The following GLCE variants were observed in gnomAD, a reference collection of about 807,000 sequenced individuals.
GLCE encodes the protein glucuronic acid epimerase, also known as D-glucuronyl C5-epimerase.
Under a neutral mutation model 47.9 loss-of-function variants are expected in GLCE, and 19 were observed. That is an observed-to-expected ratio of 0.40 (90% CI 0.28 to 0.58). The LOEUF (loss-of-function observed/expected upper bound fraction) is 0.58, where lower values mean the gene tolerates loss of function less well. Ranked by LOEUF, GLCE falls within the 20% of genes least tolerant of loss-of-function variation. The probability of loss-of-function intolerance (pLI) is 0.48; values close to 1 mark genes in which losing one functional copy is unlikely to be tolerated. For missense variants in GLCE, 556 were observed against 743.3 expected (o/e 0.75, Z 2.93); for synonymous variants, 245 against 263.4 (o/e 0.93, Z 0.68).
At chr15:69,250,805 TAAAA>T (rs35971019) in intron 2 of GLCE, among the ~76,000 whole-genome samples, 1 of 126,810 alleles carries the variant, frequency 7.9e-6, no homozygotes. Flanking sequence ...TTTTTATAGT[TAAAA>T]AAAAAAAAAA....
At chr15:69,246,864 G>T (rs1440805901) in intron 2 of GLCE, among the ~76,000 whole-genome samples, 1 of 152,180 alleles carries the variant, frequency 6.6e-6, no homozygotes, top group Non-Finnish European at 1.5e-5. Context: ...GCATGTCAAT[G>T]GGCAGTAACA....
At chr15:69,225,606 A>C (rs1055964923) in intron 2 of GLCE, among the ~76,000 whole-genome samples, 4 of 152,192 alleles carry the variant, frequency 2.6e-5, no homozygotes, top group African/African-American at 4.8e-5. Context: ...AGTATGCACA[A>C]CTTCCTGTAA....
chr15:69,229,410 G>C (rs1386748997), intron 2 of GLCE, among the ~76,000 whole-genome samples: 1 of 152,108 alleles, frequency 6.6e-6, no homozygotes, highest in Non-Finnish European at 1.5e-5. Flanking sequence ...GAATTACAAA[G>C]GTTTGAGTTT....
chr15:69,197,168 G>A (rs1047238571), intron 1 of GLCE: 6 of 407,526 alleles, frequency 1.5e-5, no homozygotes, highest in East Asian at 1.5e-4. Context: ...CTGACAATGC[G>A]TCGCACAACC....
intron 2 of GLCE, among the ~76,000 whole-genome samples, chr15:69,250,987 C>T (rs1383552234): frequency 6.6e-6 from 1 of 151,950 alleles, no homozygotes; most frequent in African/African-American, 2.4e-5. Context: ...TTTCCCAGTC[C>T]AGAACCAAGT....
intron 1 of GLCE, among the ~76,000 whole-genome samples, chr15:69,186,960 T>C (rs546183369): frequency 6.6e-6 from 1 of 152,324 alleles, no homozygotes; most frequent in African/African-American, 2.4e-5. Context: ...CCAAAAGAGA[T>C]AGCACATTTC....
At position 69,187,416 on chromosome 15, in the gene GLCE, C is replaced by T. The variant is rs550118194; in HGVS notation, c.-104-22900C>T. ...TTAACATTTGTATCATTTAATTCTC[C>T]CTTCAACCTGGTGAGAGAGTATTAT... On this transcript the variant is annotated intron_variant, in intron 1 of 4. Coordinates refer to ENST00000261858, the MANE Select transcript of GLCE (RefSeq NM_015554.3). Among the ~76,000 whole-genome samples the T allele has an allele frequency of 7.9e-5, 12 of 152,178 alleles. No individual in the cohort carries two copies. The East Asian group carries it at 2.1e-3, about 27-fold the overall frequency.
intron 2 of GLCE, among the ~76,000 whole-genome samples, chr15:69,214,987 T>C (rs1001531283): frequency 3.9e-5 from 6 of 152,210 alleles, no homozygotes; most frequent in African/African-American, 1.2e-4. Flanking sequence ...TATATCCCCA[T>C]CAATCTACTG....
chr15:69,224,875 T>C (rs2052424031), intron 2 of GLCE, among the ~76,000 whole-genome samples: 1 of 152,248 alleles, frequency 6.6e-6, no homozygotes, highest in Non-Finnish European at 1.5e-5. Context: ...GTGCAGTTGT[T>C]GTCTAAGTTG....
intron 1 of GLCE, chr15:69,197,521 A>G (rs1177451671): frequency 6.2e-6 from 1 of 160,462 alleles, no homozygotes; most frequent in African/African-American, 2.4e-5. Context: ...CACCAACCTA[A>G]TAAGATTAAA....
chr15:69,188,227 G>A (rs1016921853), intron 1 of GLCE, among the ~76,000 whole-genome samples: 9 of 152,024 alleles, frequency 5.9e-5, no homozygotes, highest in African/African-American at 1.4e-4. Context: ...GTGAGACTCC[G>A]TCTCAAAACA....
chr15:69,213,361 C>G (rs549469730), intron 2 of GLCE, among the ~76,000 whole-genome samples: 1 of 152,168 alleles, frequency 6.6e-6, no homozygotes, highest in Non-Finnish European at 1.5e-5. Context: ...GTTCCTTAGT[C>G]TTTCCGTGTC....
At chr15:69,194,431 C>T (rs1173445068) in intron 1 of GLCE, 1 of 152,114 alleles carries the variant, frequency 6.6e-6, no homozygotes. Flanking sequence ...TTTCTCTCTT[C>T]TTAGAATATT....
chr15:69,257,692 A>G (rs899820204), intron 3 of GLCE, among the ~76,000 whole-genome samples: 1 of 152,020 alleles, frequency 6.6e-6, no homozygotes, highest in African/African-American at 2.4e-5. Context: ...AGATTCACCT[A>G]TACTCTTACC....
At position 69,255,998 on chromosome 15, in the gene GLCE, T is replaced by C; in HGVS notation, c.192T>C (p.Tyr64=). Residue 64 remains tyrosine, a synonymous_variant, in exon 3 of 5, where the codon TAT becomes TAC. Coordinates refer to ENST00000261858, the MANE Select transcript of GLCE (RefSeq NM_015554.3). Reference sequence around the variant, plus strand: ...CAGCAGCATCTGAGAGTAACAACTATATGAACCACGTGGCCAAACAACAGT... The same window carrying C: ...CAGCAGCATCTGAGAGTAACAACTACATGAACCACGTGGCCAAACAACAGT... ...KRAAASESNN[Y]MNHVAKQQSE... 6.2e-7 allele frequency: 1 copy of C among 1,614,012 alleles called. No homozygotes were observed.
chr15:69,177,861 T>C (rs980138618), intron 1 of GLCE, among the ~76,000 whole-genome samples: 2 of 152,262 alleles, frequency 1.3e-5, no homozygotes, highest in Non-Finnish European at 2.9e-5. Context: ...TTACATAGTA[T>C]GTACTTTTCT....
At chr15:69,222,185 G>C (rs536501394) in intron 2 of GLCE, among the ~76,000 whole-genome samples, 1 of 152,178 alleles carries the variant, frequency 6.6e-6, no homozygotes, top group African/African-American at 2.4e-5. Context: ...CTGAGCCCAG[G>C]CTGGGCTAGA....
Position 69,269,058 on chromosome 15 carries a change from A to G in GLCE, c.1668A>G (p.Ser556=), listed in dbSNP as rs1165218839. The change falls in exon 5 of 5, where the codon TCA becomes TCG. Residue 556 remains serine (S), a synonymous_variant. Coordinates refer to ENST00000261858, the MANE Select transcript of GLCE (RefSeq NM_015554.3). ...KAMLPLYDTG[S]GTIYDLRHFM... The stretch of plus-strand genomic sequence containing the variant: ...TGCTGCCCTTGTATGACACTGGCTC[A>G]GGAACCATCTATGACCTCCGTCACT... 2 of 1,614,216 alleles carry G rather than the reference A, an allele frequency of 1.2e-6. No individual in the cohort carries two copies. Among genetic ancestry groups the G allele is most frequent in the Non-Finnish European group, 1.7e-6 (2 of 1,180,034 alleles).
chr15:69,171,943 A>G (rs1020458709), intron 1 of GLCE, among the ~76,000 whole-genome samples: 1 of 152,192 alleles, frequency 6.6e-6, no homozygotes, highest in Non-Finnish European at 1.5e-5. Flanking sequence ...GTCAGAGGGA[A>G]GAGATCATCT....
Sources: gnomAD v4.1 joint callset for allele counts (sites outside exome capture counted in the v4.1 genomes callset) on GRCh38, gnomAD v4.1.1 for gene constraint, MANE v1.5 for transcripts, NCBI Gene and HGNC (gene_info 2026-07-23, HGNC 2026-07-21) for gene names.